AVEN: variants seen among roughly 807,000 people sequenced by gnomAD.
AVEN encodes cell death regulator Aven.
In AVEN, 41 loss-of-function variants were observed where a neutral mutation model predicts 38.1. The ratio of observed to expected loss-of-function variants is 1.08; its 90% CI spans 0.84 to 1.40. The LOEUF (loss-of-function observed/expected upper bound fraction) is 1.40, where lower values mean the gene tolerates loss of function less well. Among genes scored for constraint, AVEN ranks in the 40% most tolerant of loss-of-function variants. The probability of loss-of-function intolerance (pLI) is 0.00; values close to 1 mark genes in which losing one functional copy is unlikely to be tolerated. For missense variants in AVEN, 605 were observed against 438.8 expected (o/e 1.38, Z -3.38); for synonymous variants, 206 against 171.8 (o/e 1.20, Z -1.56).
chr15:33,964,978 C>G (rs965097316), intron 2 of AVEN, among the ~76,000 whole-genome samples: 1 of 152,118 alleles, frequency 6.6e-6, no homozygotes, highest in Non-Finnish European at 1.5e-5. Flanking sequence ...GGGTTCATAC[C>G]ACAGTTCAAC....
chr15:33,983,364 A>T (rs1191138227), intron 2 of AVEN, among the ~76,000 whole-genome samples: 2 of 151,920 alleles, frequency 1.3e-5, no homozygotes, highest in Admixed American at 6.6e-5. Context: ...TTACAAACGT[A>T]CCCTCATTAA....
rs140569246 is a variant in AVEN, at chr15:33,990,361, G to A, written c.445+12671C>T. Among the ~76,000 whole-genome samples the A allele has an allele frequency of 5.2e-3, 795 of 152,020 alleles. 6 individuals carry two copies. Among genetic ancestry groups the A allele is most frequent in the African/African-American group, 0.018 (767 of 41,478 alleles). On this transcript the variant is annotated intron_variant, in intron 2 of 5. Transcript: ENST00000306730. The stretch of plus-strand genomic sequence containing the variant: ...CACGCCACTGCCCTCCAGCATGGGC[G>A]ACAGAGTGAGACCCTGTCTGAAAAA...
intron 2 of AVEN, among the ~76,000 whole-genome samples, chr15:34,002,120 G>A (rs1243284941): frequency 6.6e-6 from 1 of 152,058 alleles, no homozygotes; most frequent in Admixed American, 6.6e-5. Flanking sequence ...ATCACAACCA[G>A]AAGACTGACA....
At chr15:34,022,661 C>A (rs970655865) in intron 1 of AVEN, among the ~76,000 whole-genome samples, 1 of 152,196 alleles carries the variant, frequency 6.6e-6, no homozygotes, top group Middle Eastern at 3.2e-3. Flanking sequence ...TTGCCTTACA[C>A]CTTTTGCATA....
At chr15:34,034,755 G>GT (rs770265735) in intron 1 of AVEN, among the ~76,000 whole-genome samples, 1 of 152,188 alleles carries the variant, frequency 6.6e-6, no homozygotes, top group East Asian at 1.9e-4. Context: ...AATAATTACA[G>GT]TGTGTGTGCA....
chr15:33,868,006 G>C lies in AVEN; in HGVS notation c.613-151C>G, dbSNP rs537812583. The C allele has an allele frequency of 1.0e-5, 11 of 1,078,788 alleles. No homozygotes were observed. In the South Asian group the frequency reaches 1.4e-4, roughly 14 times the overall value. The allele number at this position is 1,078,788 out of a possible 1,614,324, so 66.8% of individuals were successfully genotyped here. A position where few individuals can be genotyped will look rare whatever the true frequency, so the allele number is the denominator to read the frequency against. ...ACAAAGTGGCTCCTTTCCAGGCCCT[G>C]GTGGGGGCACCCTTCCTGACATCTG... On this transcript the variant is annotated intron_variant, in intron 4 of 5. Coordinates refer to ENST00000306730, the MANE Select transcript of AVEN (RefSeq NM_020371.3).
At chr15:33,909,396 G>A (rs2153045047) in intron 2 of AVEN, among the ~76,000 whole-genome samples, 1 of 152,302 alleles carries the variant, frequency 6.6e-6, no homozygotes, top group African/African-American at 2.4e-5. Flanking sequence ...CAATTATAGA[G>A]TGATTTTATA....
chr15:33,874,257 G>T (rs115132298), intron 3 of AVEN, among the ~76,000 whole-genome samples: 7,905 of 151,882 alleles, frequency 0.052, 278 homozygotes, highest in African/African-American at 0.073. Flanking sequence ...CATTTTACAG[G>T]TGAAGCAATA....
At chr15:34,070,375 T>G (rs1021890834) in intron 2 of AVEN, among the ~76,000 whole-genome samples, 2 of 149,718 alleles carry the variant, frequency 1.3e-5, no homozygotes, top group Non-Finnish European at 3.0e-5. Flanking sequence ...CTTCTTTGTT[T>G]CTTTTTTTTT....
At chr15:33,882,651 G>C (rs1393168118) in intron 2 of AVEN, among the ~76,000 whole-genome samples, 1 of 151,680 alleles carries the variant, frequency 6.6e-6, no homozygotes, top group African/African-American at 2.4e-5. Context: ...AGGATCAATT[G>C]AGGCCAGGAA....
At chr15:34,007,608 C>A (rs577248538) in intron 1 of AVEN, among the ~76,000 whole-genome samples, 42 of 152,342 alleles carry the variant, frequency 2.8e-4, no homozygotes, top group African/African-American at 9.6e-4. Context: ...TTACTCACTA[C>A]ACAATTCCAA....
intron 2 of AVEN, among the ~76,000 whole-genome samples, chr15:33,939,056 T>C (rs189985823): frequency 4.9e-4 from 75 of 152,330 alleles, no homozygotes; most frequent in African/African-American, 1.8e-3. Flanking sequence ...TTGGCCAGGC[T>C]GGTCTCGAAC....
intron 1 of AVEN, among the ~76,000 whole-genome samples, chr15:34,016,492 TC>T (rs1297354236): frequency 6.6e-6 from 1 of 151,650 alleles, no homozygotes; most frequent in Non-Finnish European, 1.5e-5. Context: ...CTTACAAATT[TC>T]CCCCTTTCCC....
At chr15:34,044,090 A>G (rs1899591440), upstream of AVEN, among the ~76,000 whole-genome samples, 1 of 151,828 alleles carries the variant, frequency 6.6e-6, no homozygotes, top group Non-Finnish European at 1.5e-5. Flanking sequence ...GCCCTTTAAA[A>G]AAAATGAAAA....
At chr15:34,035,814 A>G (rs1899090273) in intron 1 of AVEN, among the ~76,000 whole-genome samples, 1 of 152,064 alleles carries the variant, frequency 6.6e-6, no homozygotes, top group African/African-American at 2.4e-5. Context: ...TAGTTATTTG[A>G]GACAGAGTCT....
chr15:34,068,496 C>T (rs954085902), intron 2 of AVEN, among the ~76,000 whole-genome samples: 5 of 152,046 alleles, frequency 3.3e-5, no homozygotes, highest in Non-Finnish European at 5.9e-5. Context: ...CAGGAACCAC[C>T]GCGTCTGACC....
chr15:33,963,725 A>G (rs1182982316), intron 2 of AVEN, among the ~76,000 whole-genome samples: 2 of 145,360 alleles, frequency 1.4e-5, no homozygotes, highest in African/African-American at 5.0e-5. Context: ...TGAACCTGGG[A>G]GGCAGAGGTT....
chr15:33,924,994 T>C (rs1031677200), intron 2 of AVEN, among the ~76,000 whole-genome samples: 1 of 152,236 alleles, frequency 6.6e-6, no homozygotes, highest in African/African-American at 2.4e-5. Flanking sequence ...TCCTTTTGCC[T>C]TACCTACAAA....
chr15:34,026,334 A>C (rs1898470917), intron 1 of AVEN, among the ~76,000 whole-genome samples: 1 of 152,200 alleles, frequency 6.6e-6, no homozygotes. Context: ...GTGACAGCAA[A>C]ATAGATGAAG....
Sources: gnomAD v4.1 joint callset for allele counts (sites outside exome capture counted in the v4.1 genomes callset) on GRCh38, gnomAD v4.1.1 for gene constraint, MANE v1.5 for transcripts, NCBI Gene and HGNC (gene_info 2026-07-23, HGNC 2026-07-21) for gene names.